The following ELP4 variants were observed in gnomAD, a reference collection of about 807,000 sequenced individuals.
ELP4 encodes the protein elongator complex protein 4.
In ELP4, 51 loss-of-function variants were observed where a neutral mutation model predicts 48.9. The observed-to-expected ratio is 1.04, with a 90% CI of 0.83 to 1.32. The LOEUF (loss-of-function observed/expected upper bound fraction) is 1.32, where lower values mean the gene tolerates loss of function less well. ELP4 is among the 40% of genes most tolerant of loss of function. The pLI is 0.00. For missense variants in ELP4, 519 were observed against 514.6 expected (o/e 1.01, Z -0.08); for synonymous variants, 210 against 189.2 (o/e 1.11, Z -0.90).
chr11:31,636,732 T>A (rs959056196), intron 7 of ELP4, among the ~76,000 whole-genome samples: 18 of 152,038 alleles, frequency 1.2e-4, no homozygotes, highest in African/African-American at 3.9e-4. Context: ...CCCACAACTT[T>A]GAACTTGAAA....
intron 9 of ELP4, chr11:31,662,894 T>C (rs1346941148): frequency 4.4e-6 from 1 of 229,318 alleles, no homozygotes; most frequent in African/African-American, 2.2e-5. Flanking sequence ...CAGCTTCTCA[T>C]TGTGTGCACA....
At chr11:31,536,710 G>A (rs1167655435) in intron 2 of ELP4, among the ~76,000 whole-genome samples, 1 of 152,148 alleles carries the variant, frequency 6.6e-6, no homozygotes, top group Non-Finnish European at 1.5e-5. Flanking sequence ...CAATGTTGGA[G>A]CATTTTATTT....
At chr11:31,573,926 A>C (rs1339324573) in intron 3 of ELP4, among the ~76,000 whole-genome samples, 1 of 152,244 alleles carries the variant, frequency 6.6e-6, no homozygotes, top group East Asian at 1.9e-4. Context: ...ATACCATCTC[A>C]TTAGGGGATA....
intron 2 of ELP4, among the ~76,000 whole-genome samples, chr11:31,531,056 C>T (rs1208543231): frequency 2.0e-5 from 3 of 152,166 alleles, no homozygotes; most frequent in Admixed American, 1.3e-4. Flanking sequence ...TGTACAACCT[C>T]AAAATTTGTT....
intron 9 of ELP4, among the ~76,000 whole-genome samples, chr11:31,773,487 G>T (rs1354749326): frequency 1.3e-5 from 2 of 152,128 alleles, no homozygotes; most frequent in Non-Finnish European, 2.9e-5. Context: ...CATGTATGGG[G>T]CTGCACTCTT....
intron 3 of ELP4, among the ~76,000 whole-genome samples, chr11:31,544,288 C>G (rs377370811): frequency 6.6e-6 from 1 of 152,246 alleles, no homozygotes; most frequent in Non-Finnish European, 1.5e-5. Context: ...AATCGGGTCA[C>G]TCCCACCTGA....
At chr11:31,706,543 AT>A (rs1193578908) in intron 9 of ELP4, among the ~76,000 whole-genome samples, 1 of 147,924 alleles carries the variant, frequency 6.8e-6, no homozygotes, top group East Asian at 1.9e-4. Context: ...TTGTTTATAT[AT>A]TTAATTTAAT....
chr11:31,564,121 A>T (rs2133946249), intron 3 of ELP4, among the ~76,000 whole-genome samples: 1 of 152,330 alleles, frequency 6.6e-6, no homozygotes, highest in African/African-American at 2.4e-5. Flanking sequence ...TAACATAGTT[A>T]ATGTTGGCAT....
chr11:31,716,124 C>T (rs1458233039), intron 9 of ELP4, among the ~76,000 whole-genome samples: 1 of 152,142 alleles, frequency 6.6e-6, no homozygotes, highest in Non-Finnish European at 1.5e-5. Context: ...AAACCATCCT[C>T]CTGCCTCAGC....
At chr11:31,597,129 T>A (rs1957682867) in intron 4 of ELP4, among the ~76,000 whole-genome samples, 1 of 152,214 alleles carries the variant, frequency 6.6e-6, no homozygotes, top group Admixed American at 6.5e-5. Flanking sequence ...TTGATTCTTT[T>A]GGATATTTAC....
intron 9 of ELP4, among the ~76,000 whole-genome samples, chr11:31,729,199 T>C (rs1296341080): frequency 1.3e-5 from 2 of 152,204 alleles, no homozygotes; most frequent in Non-Finnish European, 2.9e-5. Flanking sequence ...GTGTAGTATA[T>C]TTCAAAATGT....
chr11:31,576,612 A>G (rs1050850800), intron 3 of ELP4, among the ~76,000 whole-genome samples: 3 of 152,220 alleles, frequency 2.0e-5, no homozygotes, highest in Admixed American at 2.0e-4. Context: ...TAGTGCAATC[A>G]AACTAGAATG....
chr11:31,669,417 T>C (rs1945758075), intron 9 of ELP4, among the ~76,000 whole-genome samples: 1 of 152,112 alleles, frequency 6.6e-6, no homozygotes, highest in African/African-American at 2.4e-5. Flanking sequence ...CTCTCCCCTT[T>C]TCTGCAATAG....
intron 9 of ELP4, among the ~76,000 whole-genome samples, chr11:31,665,446 A>G (rs1209336207): frequency 2.0e-5 from 3 of 152,064 alleles, no homozygotes; most frequent in African/African-American, 7.2e-5. Flanking sequence ...ACTTTCTACC[A>G]TTACAAGTAC....
At chr11:31,520,128 T>C (rs550363782) in intron 2 of ELP4, 37 bp downstream of exon 2, 1 of 1,548,862 alleles carries the variant, frequency 6.5e-7, no homozygotes, top group East Asian at 2.3e-5. Flanking sequence ...TCCTCTATCA[T>C]TGTTTTCTGT....
intron 9 of ELP4, among the ~76,000 whole-genome samples, chr11:31,702,943 G>A (rs1421882009): frequency 1.3e-5 from 2 of 152,122 alleles, no homozygotes; most frequent in Non-Finnish European, 2.9e-5. Flanking sequence ...AAAGCACTTA[G>A]AACAGTTAAA....
intron 7 of ELP4, among the ~76,000 whole-genome samples, chr11:31,635,098 A>G (rs530848589): frequency 6.6e-6 from 1 of 152,120 alleles, no homozygotes; most frequent in South Asian, 2.1e-4. Context: ...AGAAAATATA[A>G]AACTTGTACT....
intron 9 of ELP4, among the ~76,000 whole-genome samples, chr11:31,726,401 A>G (rs1947076401): frequency 6.6e-6 from 1 of 152,198 alleles, no homozygotes; most frequent in South Asian, 2.1e-4. Context: ...TAAAGGGGCA[A>G]GGATACAGGG....
intron 9 of ELP4, among the ~76,000 whole-genome samples, chr11:31,673,041 G>T (rs1459892307): frequency 6.6e-6 from 1 of 151,880 alleles, no homozygotes; most frequent in Non-Finnish European, 1.5e-5. Flanking sequence ...TTTTGAGATG[G>T]AGTCTCCCTC....
Sources: gnomAD v4.1 joint callset for allele counts (sites outside exome capture counted in the v4.1 genomes callset) on GRCh38, gnomAD v4.1.1 for gene constraint, MANE v1.5 for transcripts, NCBI Gene and HGNC (gene_info 2026-07-23, HGNC 2026-07-21) for gene names.